The following SATL1 variants were observed in gnomAD, a reference collection of about 807,000 sequenced individuals.
SATL1 encodes the protein spermidine/spermine N1-acetyl transferase like 1.
A neutral mutation model predicts 51.8 loss-of-function variants in SATL1; 47 were observed. The ratio of observed to expected loss-of-function variants is 0.91; its 90% confidence interval spans 0.72 to 1.16. The LOEUF (loss-of-function observed/expected upper bound fraction) is 1.16, where lower values mean the gene tolerates loss of function less well. Ranked by LOEUF, SATL1 falls within the 50% of genes most tolerant of loss-of-function variation. The probability of loss-of-function intolerance (pLI) is 0.00; values close to 1 mark genes in which losing one functional copy is unlikely to be tolerated. For missense variants in SATL1, 520 were observed against 526.4 expected (o/e 0.99, Z 0.12); for synonymous variants, 176 against 182.4 (o/e 0.97, Z 0.28).
At chrX:85,217,735 C>A (rs1003733103) in intron 2 of SATL1, among the ~76,000 whole-genome samples, 2 of 111,357 alleles carry the variant, frequency 1.8e-5, no homozygotes, top group East Asian at 5.7e-4. Flanking sequence ...CTTATCTGAT[C>A]TCTCTATAGA....
intron 2 of SATL1, among the ~76,000 whole-genome samples, chrX:85,152,802 C>T (rs1008301671): frequency 9.1e-6 from 1 of 109,298 alleles, no homozygotes; most frequent in Non-Finnish European, 1.9e-5. Context: ...GAATATCTCA[C>T]TCTGGGGACT....
At chrX:85,242,263 G>A (rs1188542111) in intron 1 of SATL1, among the ~76,000 whole-genome samples, 1 of 112,157 alleles carries the variant, frequency 8.9e-6, no homozygotes, top group East Asian at 2.8e-4. Context: ...AAGACCATAA[G>A]TAGTATTTGC....
chrX:85,108,082 A>T lies in SATL1; in HGVS notation c.887T>A (p.Met296Lys), dbSNP rs761468900. 1.7e-6 allele frequency: 2 copies of T among 1,209,685 alleles called. No individual in the cohort carries two copies. Among genetic ancestry groups the T allele is most frequent in the African/African-American group, 3.5e-5 (2 of 56,980 alleles). ...MNQVDMKQPS[M>K]SQAGMRQSGT... ...TGATTGCCTCATGCCAGCTTGGCTC[A>T]TGCTTGGTTGTTTCATGTCCACTTG... The change falls in exon 3 of 8, where the codon ATG (methionine) becomes AAG (lysine). Residue 296 changes from methionine to lysine, a missense_variant. This residue lies in a region of SATL1 where 488 missense variants were observed against 474.3 expected (regional missense o/e 1.03). Coordinates refer to ENST00000644105, the MANE Select transcript of SATL1 (RefSeq NM_001367857.2).
intron 2 of SATL1, among the ~76,000 whole-genome samples, chrX:85,152,644 A>T (rs927031354): frequency 1.1e-3 from 119 of 112,022 alleles, no homozygotes; most frequent in African/African-American, 3.7e-3. Context: ...GCCATAAAAA[A>T]TGATGAGTTC....
chrX:85,123,272 A>G lies in SATL1; in HGVS notation c.-312-13992T>C, dbSNP rs191362905. ...TTCTACAGTGGCTAAGCTAACTTAC[A>G]TTCCCACCAGGAATGTGTGTTTCCT... On this transcript the variant is annotated intron_variant, in intron 2 of 7. Coordinates refer to ENST00000644105, the MANE Select transcript of SATL1 (RefSeq NM_001367857.2). Among the ~76,000 whole-genome samples the G allele has an allele frequency of 9.6e-4, 107 of 111,670 alleles. 1 individual carries two copies. The highest frequency in any genetic ancestry group is 3.2e-3 in the African/African-American group (99 of 30,819).
intron 2 of SATL1, among the ~76,000 whole-genome samples, chrX:85,126,805 A>G (rs747150706): frequency 9.1e-6 from 1 of 109,505 alleles, no homozygotes; most frequent in African/African-American, 3.3e-5. Flanking sequence ...GGAGTACCAA[A>G]CGATGGCCTT....
At chrX:85,133,513 A>T (rs766187590) in intron 2 of SATL1, among the ~76,000 whole-genome samples, 10 of 112,236 alleles carry the variant, frequency 8.9e-5, no homozygotes, top group African/African-American at 3.2e-4. Flanking sequence ...GGAAAAGCGC[A>T]GTGTTTAGGT....
intron 2 of SATL1, among the ~76,000 whole-genome samples, chrX:85,134,314 T>A (rs1024196127): frequency 1.8e-5 from 2 of 111,045 alleles, no homozygotes; most frequent in East Asian, 5.6e-4. Flanking sequence ...GTCTGACTCA[T>A]GAGAAAGGGA....
chrX:85,117,944 G>T lies in SATL1; in HGVS notation c.-312-8664C>A, dbSNP rs377182232. Among the ~76,000 whole-genome samples, 27 of 109,853 alleles carry T rather than the reference G, an allele frequency of 2.5e-4. 2 individuals carry two copies. In the East Asian group the frequency reaches 4.0e-3, roughly 16 times the overall value. ...TTTGCTGTCTCTTTGCTTAGCTAAGGGTGGAGATCAGGGACAAAAGACTTT... is the reference window on the plus strand; with the variant it reads ...TTTGCTGTCTCTTTGCTTAGCTAAGTGTGGAGATCAGGGACAAAAGACTTT... On this transcript the variant is annotated intron_variant, in intron 2 of 7. Coordinates refer to ENST00000644105, the MANE Select transcript of SATL1 (RefSeq NM_001367857.2).
At chrX:85,137,441 A>G (rs1925987775) in intron 2 of SATL1, among the ~76,000 whole-genome samples, 1 of 110,774 alleles carries the variant, frequency 9.0e-6, no homozygotes, top group Admixed American at 9.6e-5. Flanking sequence ...TTATCTTCAA[A>G]ATATACCCCA....
chrX:85,174,203 T>G (rs1230459881), intron 2 of SATL1, among the ~76,000 whole-genome samples: 1 of 110,899 alleles, frequency 9.0e-6, no homozygotes. Context: ...TTCCAAGTCT[T>G]TGCTACTGTG....
chrX:85,129,020 A>T (rs185308911), intron 2 of SATL1, among the ~76,000 whole-genome samples: 311 of 111,658 alleles, frequency 2.8e-3, no homozygotes, highest in Middle Eastern at 9.3e-3. Context: ...CTATTTTGGT[A>T]CCAGTGCCAT....
chrX:85,159,752 C>T (rs149635042), intron 2 of SATL1, among the ~76,000 whole-genome samples: 1,453 of 111,300 alleles, frequency 0.013, 27 homozygotes, highest in African/African-American at 0.038. Context: ...CCTGACCAAG[C>T]CATGCTGCCT....
chrX:85,202,875 G>C (rs765883454), intron 2 of SATL1, among the ~76,000 whole-genome samples: 2 of 111,864 alleles, frequency 1.8e-5, no homozygotes, highest in East Asian at 5.7e-4. Context: ...AGGGTGGCAA[G>C]GGCAGTTCCA....
intron 2 of SATL1, among the ~76,000 whole-genome samples, chrX:85,167,951 C>T (rs987074503): frequency 9.1e-6 from 1 of 110,288 alleles, no homozygotes; most frequent in African/African-American, 3.3e-5. Flanking sequence ...ACGCTTTATC[C>T]CTGGGATGCA....
At chrX:85,119,944 AT>A (rs1295831425) in intron 2 of SATL1, among the ~76,000 whole-genome samples, 1 of 112,164 alleles carries the variant, frequency 8.9e-6, no homozygotes, top group African/African-American at 3.2e-5. Flanking sequence ...AAATAAAAAA[AT>A]GTTCAAGTAC....
At chrX:85,132,356 C>CT (rs1263843977) in intron 2 of SATL1, among the ~76,000 whole-genome samples, 7 of 109,717 alleles carry the variant, frequency 6.4e-5, no homozygotes, top group Admixed American at 2.9e-4. Flanking sequence ...TCTTTTTACT[C>CT]TTTTTTTTTC....
At chrX:85,215,576 C>T (rs773867194) in intron 2 of SATL1, among the ~76,000 whole-genome samples, 12 of 112,140 alleles carry the variant, frequency 1.1e-4, no homozygotes, top group East Asian at 5.6e-4. Flanking sequence ...GAATGCCTTG[C>T]TACTTAGAAA....
intron 2 of SATL1, among the ~76,000 whole-genome samples, chrX:85,113,271 A>T (rs1857333774): frequency 9.1e-6 from 1 of 110,183 alleles, no homozygotes; most frequent in African/African-American, 3.3e-5. Flanking sequence ...AAGAGGAGAC[A>T]AATCAGGTTA....
Sources: allele counts gnomAD v4.1 joint callset (sites outside exome capture counted in the v4.1 genomes callset), GRCh38; gene constraint gnomAD v4.1.1; regional missense constraint gnomAD v4.1.1; transcripts MANE v1.5; gene names NCBI Gene and HGNC (gene_info 2026-07-23, HGNC 2026-07-21).